The following SGCZ variants were observed in gnomAD, a reference collection of about 807,000 sequenced individuals.
The protein encoded by SGCZ is sarcoglycan zeta.
In SGCZ, 40 loss-of-function variants were observed where a neutral mutation model predicts 41.3. The observed-to-expected ratio is 0.97, with a 90% confidence interval of 0.75 to 1.26. The LOEUF (loss-of-function observed/expected upper bound fraction) is 1.26, where lower values mean the gene tolerates loss of function less well. SGCZ is among the 50% of genes most tolerant of loss of function. The pLI, the probability that SGCZ is intolerant of heterozygous loss-of-function variation, is 0.00. For missense variants in SGCZ, 552 were observed against 369.8 expected (o/e 1.49, Z -4.04); for synonymous variants, 206 against 137.5 (o/e 1.50, Z -3.49).
chr8:14,761,320 C>G (rs1799865300), intron 1 of SGCZ, among the ~76,000 whole-genome samples: 1 of 151,780 alleles, frequency 6.6e-6, no homozygotes, highest in Non-Finnish European at 1.5e-5. Context: ...TATTGATATT[C>G]AAAATAATGC....
chr8:14,425,914 G>C (rs1300346628), intron 2 of SGCZ, among the ~76,000 whole-genome samples: 1 of 152,036 alleles, frequency 6.6e-6, no homozygotes, highest in Non-Finnish European at 1.5e-5. Context: ...GGGAAGTAAA[G>C]AAAAAATGGA....
chr8:14,423,751 G>A (rs1259387292), intron 2 of SGCZ, among the ~76,000 whole-genome samples: 1 of 151,988 alleles, frequency 6.6e-6, no homozygotes, highest in African/African-American at 2.4e-5. Flanking sequence ...TTAATTTTCT[G>A]TCCTTTCTTC....
At chr8:15,136,013 C>A (rs1486179131) in intron 1 of SGCZ, among the ~76,000 whole-genome samples, 6 of 152,062 alleles carry the variant, frequency 3.9e-5, no homozygotes, top group Admixed American at 3.9e-4. Flanking sequence ...CGGGTCATTG[C>A]CATGGAAAGG....
chr8:14,279,882 T>G (rs569325343), intron 3 of SGCZ, among the ~76,000 whole-genome samples: 1 of 151,930 alleles, frequency 6.6e-6, no homozygotes. Context: ...TAACAACTAG[T>G]CCCTGTGAAA....
At chr8:14,457,551 T>A (rs962208006) in intron 2 of SGCZ, among the ~76,000 whole-genome samples, 2 of 152,220 alleles carry the variant, frequency 1.3e-5, no homozygotes, top group African/African-American at 4.8e-5. Context: ...CGTCTCCCTG[T>A]GATGCTGTGC....
chr8:14,762,892 T>A (rs555735672), intron 1 of SGCZ, among the ~76,000 whole-genome samples: 3 of 152,318 alleles, frequency 2.0e-5, no homozygotes, highest in South Asian at 4.1e-4. Context: ...TGGAGTTAGA[T>A]AATTTTACAT....
chr8:14,182,560 C>T (rs953207923), intron 4 of SGCZ, among the ~76,000 whole-genome samples: 1 of 151,968 alleles, frequency 6.6e-6, no homozygotes, highest in African/African-American at 2.4e-5. Context: ...TCTCAATCTG[C>T]AGAAGGGAAG....
At chr8:14,711,518 C>T (rs1044687555) in intron 1 of SGCZ, among the ~76,000 whole-genome samples, 11 of 142,254 alleles carry the variant, frequency 7.7e-5, no homozygotes, top group Non-Finnish European at 1.2e-4. Context: ...AGGAGAATTG[C>T]TTGAATCCAG....
intron 2 of SGCZ, among the ~76,000 whole-genome samples, chr8:14,402,503 C>A (rs554586672): frequency 0.011 from 1,584 of 150,072 alleles, 33 homozygotes; most frequent in African/African-American, 0.034. Context: ...AGCTTTCTAC[C>A]TATGGCTAGC....
intron 1 of SGCZ, among the ~76,000 whole-genome samples, chr8:14,987,041 C>G (rs1801846038): frequency 6.6e-6 from 1 of 151,782 alleles, no homozygotes; most frequent in African/African-American, 2.4e-5. Flanking sequence ...TTTAAATTAA[C>G]TATTACATGT....
chr8:14,796,797 T>C (rs1282130267), intron 1 of SGCZ, among the ~76,000 whole-genome samples: 1 of 152,160 alleles, frequency 6.6e-6, no homozygotes, highest in African/African-American at 2.4e-5. Flanking sequence ...AGGGACCATG[T>C]GGGAGGTAAC....
At chr8:15,034,294 G>A (rs1276882377) in intron 1 of SGCZ, among the ~76,000 whole-genome samples, 1 of 151,970 alleles carries the variant, frequency 6.6e-6, no homozygotes, top group East Asian at 1.9e-4. Flanking sequence ...ACAGAAATTT[G>A]GGAGCTGAAA....
chr8:14,865,717 G>T (rs989881004), intron 1 of SGCZ, among the ~76,000 whole-genome samples: 3 of 152,084 alleles, frequency 2.0e-5, no homozygotes, highest in African/African-American at 7.2e-5. Flanking sequence ...ACGGAAACAG[G>T]ATAAACTTCT....
intron 2 of SGCZ, among the ~76,000 whole-genome samples, chr8:14,419,943 C>T (rs76262311): frequency 2.6e-5 from 4 of 152,008 alleles, no homozygotes. Context: ...CATTACAGAA[C>T]AATGGTTTAT....
chr8:14,743,812 T>G (rs549809346), intron 1 of SGCZ, among the ~76,000 whole-genome samples: 8 of 152,206 alleles, frequency 5.3e-5, no homozygotes, highest in South Asian at 4.1e-4. Flanking sequence ...TTCAAAATTA[T>G]CATGCTCATG....
intron 1 of SGCZ, among the ~76,000 whole-genome samples, chr8:15,032,014 A>G (rs1295226564): frequency 1.3e-5 from 2 of 151,980 alleles, no homozygotes; most frequent in Non-Finnish European, 2.9e-5. Context: ...AGAAAAAAGT[A>G]TGGTTTAGGA....
At chr8:14,791,665 C>T (rs569522863) in intron 1 of SGCZ, among the ~76,000 whole-genome samples, 1 of 152,160 alleles carries the variant, frequency 6.6e-6, no homozygotes, top group Non-Finnish European at 1.5e-5. Flanking sequence ...AAGCTACACA[C>T]AAGTGGCAGC....
At chr8:14,993,954 G>A (rs1054798012) in intron 1 of SGCZ, among the ~76,000 whole-genome samples, 1 of 152,184 alleles carries the variant, frequency 6.6e-6, no homozygotes, top group African/African-American at 2.4e-5. Flanking sequence ...AGACTGTAAA[G>A]AAGCAAGGTC....
intron 2 of SGCZ, among the ~76,000 whole-genome samples, chr8:14,404,302 A>G (rs1443091525): frequency 6.6e-6 from 1 of 152,174 alleles, no homozygotes; most frequent in East Asian, 1.9e-4. Context: ...ATTATGCCAA[A>G]TAAATTACTT....
Sources: allele counts gnomAD v4.1 joint callset (sites outside exome capture counted in the v4.1 genomes callset), GRCh38; gene constraint gnomAD v4.1.1; transcripts MANE v1.5; gene names NCBI Gene and HGNC (gene_info 2026-07-23, HGNC 2026-07-21).